The following SLC9B1 variants were observed in gnomAD, a reference collection of about 807,000 sequenced individuals.
SLC9B1 encodes the protein sodium/hydrogen exchanger 9B1.
SLC9B1 carries 32 observed loss-of-function variants against 51.7 expected under a neutral mutation model. The ratio of observed to expected loss-of-function variants is 0.62; its 90% confidence interval spans 0.47 to 0.83. The LOEUF is 0.83. Among genes scored for constraint, SLC9B1 ranks in the 40% least tolerant of loss-of-function variants. SLC9B1 has a pLI of 0.00. For missense variants in SLC9B1, 406 were observed against 613.2 expected (o/e 0.66, Z 3.57); for synonymous variants, 145 against 212.7 (o/e 0.68, Z 2.77).
In SLC9B1 at chr4:102,962,650, C is replaced by A. The variant is rs1446905081; in HGVS notation, c.212-13223G>T. 3 of 468,936 alleles carry A rather than the reference C, an allele frequency of 6.4e-6. No individual in the cohort carries two copies. The Admixed American group carries it at 7.1e-5, about 11-fold the overall frequency. The allele number at this position is 468,936 out of a possible 1,614,324, so 29.0% of individuals were successfully genotyped here. On this transcript the variant is annotated intron_variant, in intron 3 of 11. Transcript: ENST00000296422. ...TAGAAGGTTATGTAATTGGGAGCTG[C>A]ATCAATCACATCCTGATTGTAGGTG...
intron 1 of SLC9B1, among the ~76,000 whole-genome samples, chr4:103,003,652 G>A (rs565073299): frequency 2.0e-4 from 30 of 152,160 alleles, no homozygotes; most frequent in Middle Eastern, 3.4e-3. Flanking sequence ...AGATCCTCTT[G>A]CCACTACCCC....
chr4:102,961,703 T>C (rs902998870), intron 3 of SLC9B1, among the ~76,000 whole-genome samples: 2 of 152,270 alleles, frequency 1.3e-5, no homozygotes, highest in African/African-American at 4.8e-5. Flanking sequence ...AATAGTAGGT[T>C]GATCCTTTAA....
chr4:102,946,138 T>A (rs1464979298), intron 5 of SLC9B1, among the ~76,000 whole-genome samples: 1 of 152,302 alleles, frequency 6.6e-6, no homozygotes, highest in Non-Finnish European at 1.5e-5. Context: ...CCAAATAATA[T>A]AGGTGCTATA....
chr4:102,893,576 C>T (rs1734381907), intron 11 of SLC9B1, among the ~76,000 whole-genome samples: 2 of 151,824 alleles, frequency 1.3e-5, no homozygotes, highest in Non-Finnish European at 2.9e-5. Context: ...AAAGAAAAAC[C>T]AATTCATTTC....
chr4:102,961,250 T>C (rs1173991212), intron 3 of SLC9B1, among the ~76,000 whole-genome samples: 2 of 152,246 alleles, frequency 1.3e-5, no homozygotes, highest in African/African-American at 2.4e-5. Context: ...TTAATAACTT[T>C]TGATGCAAAG....
At chr4:102,981,141 T>G (rs1739331989) in intron 3 of SLC9B1, among the ~76,000 whole-genome samples, 1 of 152,172 alleles carries the variant, frequency 6.6e-6, no homozygotes, top group Admixed American at 6.6e-5. Flanking sequence ...GAAACATGCA[T>G]TTAAGTTTAC....
chr4:102,949,121 G>A (rs1737416003), intron 4 of SLC9B1, 136 bp downstream of exon 4: 1 of 754,520 alleles, frequency 1.3e-6, no homozygotes, highest in Non-Finnish European at 2.1e-6. Context: ...CACACATACA[G>A]TAAATACATA....
chr4:102,958,783 C>A (rs570459444), intron 3 of SLC9B1, among the ~76,000 whole-genome samples: 1 of 152,056 alleles, frequency 6.6e-6, no homozygotes, highest in African/African-American at 2.4e-5. Flanking sequence ...ATTAGCCGGG[C>A]ATGGTGGCAG....
chr4:102,932,027 T>C, intron 7 of SLC9B1, 97 bp downstream of exon 7: 10 of 1,136,718 alleles, frequency 8.8e-6, no homozygotes, highest in Non-Finnish European at 1.2e-5. Flanking sequence ...TGAACAGTCT[T>C]GGTTAATAAA....
At chr4:103,004,628 G>A (rs182945202) in intron 1 of SLC9B1, among the ~76,000 whole-genome samples, 13 of 152,096 alleles carry the variant, frequency 8.5e-5, no homozygotes. Flanking sequence ...AAAACACAAA[G>A]CAATCAGATT....
At chr4:102,902,641 A>G (rs964103096) in intron 11 of SLC9B1, among the ~76,000 whole-genome samples, 1 of 152,222 alleles carries the variant, frequency 6.6e-6, no homozygotes, top group Non-Finnish European at 1.5e-5. Context: ...GGCAGGTATC[A>G]TTCTTAAAGC....
intron 11 of SLC9B1, among the ~76,000 whole-genome samples, chr4:102,893,546 G>T (rs1578323985): frequency 6.6e-6 from 1 of 152,128 alleles, no homozygotes; most frequent in Non-Finnish European, 1.5e-5. Flanking sequence ...GTTATTTAAA[G>T]TATCCCAAAT....
At chr4:102,902,686 A>G (rs566680779) in intron 11 of SLC9B1, among the ~76,000 whole-genome samples, 106 of 152,206 alleles carry the variant, frequency 7.0e-4, no homozygotes, top group Non-Finnish European at 9.6e-4. Flanking sequence ...TCTTACGACA[A>G]CCTTATTATG....
chr4:102,909,409 C>A (rs1735226028), intron 9 of SLC9B1, among the ~76,000 whole-genome samples: 1 of 152,056 alleles, frequency 6.6e-6, no homozygotes, highest in South Asian at 2.1e-4. Context: ...TTAAGACCTG[C>A]CTGGCCAACA....
chr4:102,964,465 G>A (rs1738317164), intron 3 of SLC9B1, among the ~76,000 whole-genome samples: 1 of 152,088 alleles, frequency 6.6e-6, no homozygotes, highest in African/African-American at 2.4e-5. Context: ...ATATTACCCT[G>A]ATATCAAAAC....
chr4:102,887,676 C>T (rs1734000989), intron 11 of SLC9B1: 1 of 321,896 alleles, frequency 3.1e-6, no homozygotes, highest in African/African-American at 2.1e-5. Flanking sequence ...TCTAGGAAAA[C>T]CTAAATTGTG....
intron 4 of SLC9B1, among the ~76,000 whole-genome samples, chr4:102,947,907 T>G (rs1246332660): frequency 6.7e-6 from 1 of 148,208 alleles, no homozygotes; most frequent in Non-Finnish European, 1.5e-5. Context: ...ACATACACTT[T>G]AGAAAGTTTT....
chr4:103,002,262 A>T (rs952643582), intron 1 of SLC9B1, among the ~76,000 whole-genome samples: 3 of 152,204 alleles, frequency 2.0e-5, no homozygotes, highest in African/African-American at 7.2e-5. Context: ...ACTTTCCTAT[A>T]TTGGAAGAGC....
intron 1 of SLC9B1, among the ~76,000 whole-genome samples, chr4:103,002,558 G>A (rs185950774): frequency 4.2e-4 from 64 of 152,222 alleles, no homozygotes; most frequent in African/African-American, 1.5e-3. Context: ...GAACTAGTAC[G>A]AGTAACTTCT....
Sources: gnomAD v4.1 joint callset for allele counts (sites outside exome capture counted in the v4.1 genomes callset) on GRCh38, gnomAD v4.1.1 for gene constraint, MANE v1.5 for transcripts, NCBI Gene and HGNC (gene_info 2026-07-23, HGNC 2026-07-21) for gene names.